WWOX: variants seen among roughly 807,000 people sequenced by gnomAD.
WWOX encodes the protein WW domain containing oxidoreductase.
In WWOX, 69 loss-of-function variants were observed where a neutral mutation model predicts 46.2. That is an observed-to-expected ratio of 1.49 (90% confidence interval 1.23 to 1.82). The LOEUF is 1.82. Ranked by LOEUF, WWOX falls within the 40% of genes most tolerant of loss-of-function variation. The pLI is 0.00. For synonymous variants in WWOX, 359 were observed against 202.6 expected (o/e 1.77, Z -6.56); for missense variants, 919 against 542.6 (o/e 1.69, Z -6.89).
rs147076334 is a variant in WWOX at position 78,423,371 on chromosome 16, A to G, written c.606-1499A>G. ...ATTCTATCATATGGATATATTCTAA[A>G]TGTAATAATTCCTCAATGGTATATT... On this transcript the variant is annotated intron_variant, in intron 6 of 8. Transcript: ENST00000566780. 3.2e-4 allele frequency among the ~76,000 whole-genome samples: 49 copies of G among 152,288 alleles called. No homozygotes were observed. The East Asian group carries it at 9.3e-3, about 29-fold the overall frequency.
rs551177550 is a variant in WWOX at position 78,628,802 on chromosome 16, G to A, written c.1056+196050G>A. Among the ~76,000 whole-genome samples, 6 of 152,298 alleles carry A rather than the reference G, an allele frequency of 3.9e-5. No individual in the cohort carries two copies. The South Asian group carries it at 1.2e-3, about 32-fold the overall frequency. On this transcript the variant is annotated intron_variant, in intron 8 of 8. Transcript: ENST00000566780. ...CCTTTGGAAAAGTCTGAATGTTGAT[G>A]CCGACGACTAGCCAGGCGCTTCCCT...
chr16:78,760,310 C>T (rs925398687), intron 8 of WWOX, among the ~76,000 whole-genome samples: 1 of 152,338 alleles, frequency 6.6e-6, no homozygotes, highest in Middle Eastern at 3.4e-3. Flanking sequence ...ACCAGGGTCC[C>T]TCCCACAACA....
At chr16:78,626,225 G>A (rs566916203) in intron 8 of WWOX, among the ~76,000 whole-genome samples, 1 of 151,986 alleles carries the variant, frequency 6.6e-6, no homozygotes, top group African/African-American at 2.4e-5. Flanking sequence ...CCGCCTCGCA[G>A]GTTTAAGTGA....
chr16:79,040,318 A>G (rs1336210648), intron 8 of WWOX, among the ~76,000 whole-genome samples: 2 of 140,062 alleles, frequency 1.4e-5, no homozygotes, highest in African/African-American at 5.4e-5. Context: ...TCTGTTGCCC[A>G]GACTGGAGTG....
intron 8 of WWOX, among the ~76,000 whole-genome samples, chr16:78,834,985 C>T (rs2051938313): frequency 1.3e-5 from 2 of 152,168 alleles, no homozygotes; most frequent in Admixed American, 1.3e-4. Context: ...GAGTGTTCTA[C>T]AAACTGTATT....
At chr16:78,864,861 C>T (rs1436528639) in intron 8 of WWOX, among the ~76,000 whole-genome samples, 2 of 138,824 alleles carry the variant, frequency 1.4e-5, no homozygotes, top group Non-Finnish European at 3.0e-5. Context: ...CTCCCGGGTT[C>T]AAGCGATTCT....
At chr16:79,053,632 T>C (rs2048209968) in intron 8 of WWOX, among the ~76,000 whole-genome samples, 1 of 152,222 alleles carries the variant, frequency 6.6e-6, no homozygotes, top group Non-Finnish European at 1.5e-5. Flanking sequence ...TTTAATTTCT[T>C]TAATGTTTTA....
At chr16:79,018,747 C>G (rs2047468405) in intron 8 of WWOX, among the ~76,000 whole-genome samples, 1 of 152,140 alleles carries the variant, frequency 6.6e-6, no homozygotes, top group Non-Finnish European at 1.5e-5. Flanking sequence ...AGGGTCTTTC[C>G]TATTTTCGGC....
At chr16:78,924,451 A>G (rs905375123) in intron 8 of WWOX, among the ~76,000 whole-genome samples, 1 of 152,180 alleles carries the variant, frequency 6.6e-6, no homozygotes, top group Non-Finnish European at 1.5e-5. Flanking sequence ...CCAGCTTTGG[A>G]GTTAAAATAT....
chr16:78,470,898 C>A (rs2084205257), intron 8 of WWOX, among the ~76,000 whole-genome samples: 1 of 152,156 alleles, frequency 6.6e-6, no homozygotes, highest in Admixed American at 6.5e-5. Flanking sequence ...CAGGCTGGAA[C>A]AGGTGATATT....
intron 8 of WWOX, chr16:78,996,205 T>C (rs1044695066): frequency 2.0e-6 from 2 of 984,878 alleles, no homozygotes; most frequent in African/African-American, 1.7e-5. Flanking sequence ...CATTTAGAAA[T>C]TTTTGAAGAC....
At chr16:78,796,459 A>G (rs2050740490) in intron 8 of WWOX, among the ~76,000 whole-genome samples, 1 of 152,220 alleles carries the variant, frequency 6.6e-6, no homozygotes, top group Non-Finnish European at 1.5e-5. Context: ...CATGATCACA[A>G]CCAACTGCAA....
At chr16:78,659,086 C>A (rs548997548) in intron 8 of WWOX, among the ~76,000 whole-genome samples, 2 of 148,354 alleles carry the variant, frequency 1.3e-5, no homozygotes, top group Non-Finnish European at 3.0e-5. Flanking sequence ...AGTGAGAATC[C>A]GTCTCAAAAA....
intron 8 of WWOX, chr16:79,196,514 G>A (rs914497874): frequency 2.6e-5 from 4 of 152,122 alleles, no homozygotes; most frequent in Non-Finnish European, 5.9e-5. Flanking sequence ...AGAAAATGCT[G>A]AGTCTATTCG....
At chr16:78,887,534 A>G (rs1335314122) in intron 8 of WWOX, among the ~76,000 whole-genome samples, 2 of 150,274 alleles carry the variant, frequency 1.3e-5, no homozygotes, top group African/African-American at 4.9e-5. Context: ...ATGACTACAG[A>G]CACCTCAACA....
At chr16:78,880,461 C>G (rs528475470) in intron 8 of WWOX, among the ~76,000 whole-genome samples, 1 of 152,278 alleles carries the variant, frequency 6.6e-6, no homozygotes, top group East Asian at 1.9e-4. Context: ...AGCTGCTTTC[C>G]TTCTCTGTTT....
At chr16:78,834,417 G>A (rs553179166) in intron 8 of WWOX, among the ~76,000 whole-genome samples, 2 of 152,250 alleles carry the variant, frequency 1.3e-5, no homozygotes, top group South Asian at 2.1e-4. Context: ...AGGTTTCTAG[G>A]TTTCTGTGCC....
chr16:78,300,085 A>C (rs983205719), intron 5 of WWOX, among the ~76,000 whole-genome samples: 3 of 152,190 alleles, frequency 2.0e-5, no homozygotes, highest in African/African-American at 7.2e-5. Context: ...GAAAGAATTG[A>C]GTAGAAATTA....
chr16:79,103,307 TCTC>T (rs1183375949), intron 8 of WWOX, among the ~76,000 whole-genome samples: 2 of 152,160 alleles, frequency 1.3e-5, no homozygotes, highest in Non-Finnish European at 2.9e-5. Flanking sequence ...AAGTGACTGT[TCTC>T]CTCCCAGCAC....
Sources: allele counts gnomAD v4.1 joint callset (sites outside exome capture counted in the v4.1 genomes callset), GRCh38; gene constraint gnomAD v4.1.1; transcripts MANE v1.5; gene names NCBI Gene and HGNC (gene_info 2026-07-23, HGNC 2026-07-21).